The following PPP1R16B variants were observed in gnomAD, a reference collection of about 807,000 sequenced individuals.
PPP1R16B encodes the protein protein phosphatase 1 regulatory inhibitor subunit 16B.
Under a neutral mutation model 61.7 loss-of-function variants are expected in PPP1R16B, and 14 were observed. The ratio of observed to expected loss-of-function variants is 0.23; its 90% confidence interval spans 0.15 to 0.35. The LOEUF (loss-of-function observed/expected upper bound fraction) is 0.35. Among genes scored for constraint, PPP1R16B ranks in the 10% least tolerant of loss-of-function variants. PPP1R16B has a pLI of 1.00. For missense variants in PPP1R16B, 547 were observed against 752.5 expected (o/e 0.73, Z 3.19); for synonymous variants, 266 against 305.3 (o/e 0.87, Z 1.34).
rs960857363 is a variant in PPP1R16B at position 38,806,223 on chromosome 20, C to T, written c.-102+431C>T. Reference sequence around the variant, plus strand: ...AACAACCCCCCCCCGCGCACTCTCCCGGCCGGGCATGGTGGTGCCGCCCCC... The same window carrying T: ...AACAACCCCCCCCCGCGCACTCTCCTGGCCGGGCATGGTGGTGCCGCCCCC... On this transcript the variant is annotated intron_variant, in intron 1 of 10. Coordinates refer to ENST00000299824, the MANE Select transcript of PPP1R16B (RefSeq NM_015568.4). The surrounding 1 kb of genome is among the most constrained non-coding windows in gnomAD (Gnocchi z 4.5). 6.6e-6 allele frequency among the ~76,000 whole-genome samples: 1 copy of T among 152,110 alleles called. No homozygotes were observed. Among genetic ancestry groups the T allele is most frequent in the East Asian group, 1.9e-4 (1 of 5,162 alleles).
At position 38,850,675 on chromosome 20, in the gene PPP1R16B, T is replaced by C. The variant is rs187574169; in HGVS notation, c.250+14500T>C. On this transcript the variant is annotated intron_variant, in intron 2 of 10. Coordinates refer to ENST00000299824, the MANE Select transcript of PPP1R16B (RefSeq NM_015568.4). ...CCATTATCCAAATCCCTGATAAAAA[T>C]GTTGAATAGGGCCCAGCGTGGTGCT... Among the ~76,000 whole-genome samples, 378 of 152,274 alleles carry C rather than the reference T, an allele frequency of 2.5e-3. 2 individuals are homozygous for C. Among genetic ancestry groups the C allele is most frequent in the African/African-American group, 8.7e-3 (360 of 41,558 alleles).
chr20:38,895,198 T>G (rs2085325138), intron 3 of PPP1R16B, among the ~76,000 whole-genome samples: 1 of 151,940 alleles, frequency 6.6e-6, no homozygotes, highest in South Asian at 2.1e-4. Context: ...GTTCTCCATA[T>G]AATTTTCTTT....
At position 38,895,904 on chromosome 20, in the gene PPP1R16B, T is replaced by C. The variant is rs1322935072; in HGVS notation, c.467+194T>C. Among the ~76,000 whole-genome samples, 7 of 97,636 alleles carry C rather than the reference T, an allele frequency of 7.2e-5. 1 individual carries two copies. The highest frequency in any genetic ancestry group is 1.8e-4 in the African/African-American group (4 of 22,442). 64.1% of individuals were successfully genotyped at this position (97,636 alleles called of 152,430 possible). A position where few individuals can be genotyped will look rare whatever the true frequency, so the allele number is the denominator to read the frequency against. On this transcript the variant is annotated intron_variant, in intron 4 of 10. Transcript: ENST00000299824. Reference sequence around the variant, plus strand: ...CTTCTTTCTTCCCTCCCTCCCTCCTTCCTTCTTTCTTCCCTCCCTCCCTCC... The same window carrying C: ...CTTCTTTCTTCCCTCCCTCCCTCCTCCCTTCTTTCTTCCCTCCCTCCCTCC...
intron 10 of PPP1R16B, among the ~76,000 whole-genome samples, chr20:38,913,724 G>C (rs1373879736): frequency 1.3e-5 from 2 of 152,172 alleles, no homozygotes; most frequent in African/African-American, 4.8e-5. Context: ...GGTTGGGGGT[G>C]GGATGAGCAG....
Position 38,918,462 on chromosome 20 carries a change from A to G in PPP1R16B, c.1500A>G (p.Thr500=). The part of the protein sequence containing the change: ...AKLLSHPFLS[T]HLGSSMARTG... ...TGCTCAGCCACCCCTTCCTTAGCAC[A>G]CACCTGGGCAGCAGCATGGCCAGGA... The change falls in exon 11 of 11, where the codon ACA becomes ACG. Residue 500 remains threonine, a synonymous_variant. Coordinates refer to ENST00000299824, the MANE Select transcript of PPP1R16B (RefSeq NM_015568.4). This position sits in a 1 kb window ranked among gnomAD's most constrained non-coding sequence, Gnocchi z 5.3. 6 of 1,614,080 alleles carry G rather than the reference A, an allele frequency of 3.7e-6. No individual in the cohort carries two copies. The highest frequency in any genetic ancestry group is 5.1e-6 in the Non-Finnish European group (6 of 1,179,944).
chr20:38,919,582 C>T lies in PPP1R16B; in HGVS notation c.*916C>T, dbSNP rs1015691256. On this transcript the variant is annotated 3_prime_UTR_variant, in exon 11 of 11. Transcript: ENST00000299824. ...GGGAGGGAGGTAACTGAATTCACTTCTTTTTGTGGATCGTATCAAGGTCAC... is the reference window on the plus strand; with the variant it reads ...GGGAGGGAGGTAACTGAATTCACTTTTTTTTGTGGATCGTATCAAGGTCAC... The T allele has an allele frequency of 2.6e-5, 4 of 152,132 alleles. No individual in the cohort carries two copies. The highest frequency in any genetic ancestry group is 9.7e-5 in the African/African-American group (4 of 41,426). The allele number at this position is 152,132 out of a possible 1,614,324, so 9.4% of individuals were successfully genotyped here.
chr20:38,871,565 A>G (rs1276533577), intron 2 of PPP1R16B, among the ~76,000 whole-genome samples: 1 of 133,928 alleles, frequency 7.5e-6, no homozygotes, highest in Admixed American at 7.7e-5. Flanking sequence ...AGGGAGGTAG[A>G]GAGTAAGGAA....
At chr20:38,827,643 G>A (rs989521256) in intron 1 of PPP1R16B, among the ~76,000 whole-genome samples, 1 of 152,120 alleles carries the variant, frequency 6.6e-6, no homozygotes, top group Non-Finnish European at 1.5e-5. Context: ...AGTCTAGAAG[G>A]TTCATCCTAG....
rs35037544 is a variant in PPP1R16B at position 38,895,627 on chromosome 20, C to T, written c.384C>T (p.Asn128=). The T allele has an allele frequency of 2.7e-3, 4,278 of 1,613,800 alleles. 92 individuals carry two copies. In the African/African-American group the frequency reaches 0.05, roughly 19 times the overall value. ...TCCTCTCCCATGGTGCCAATGTGAA[C>T]GCCAAGGACAACGAGCTGTGGACAC... ...KLLLSHGANV[N]AKDNELWTPL... is the part of the protein sequence containing the mutation. Residue 128 remains asparagine, a synonymous_variant, in exon 4 of 11, where the codon AAC becomes AAT. Coordinates refer to ENST00000299824, the MANE Select transcript of PPP1R16B (RefSeq NM_015568.4).
At chr20:38,828,261 C>A (rs1404915314) in intron 1 of PPP1R16B, among the ~76,000 whole-genome samples, 1 of 152,208 alleles carries the variant, frequency 6.6e-6, no homozygotes, top group Non-Finnish European at 1.5e-5. Context: ...CTTTGACCTT[C>A]CTACCCTTCC....
intron 5 of PPP1R16B, 99 bp from the exon 6 acceptor site, chr20:38,902,569 C>T: frequency 1.3e-6 from 2 of 1,519,726 alleles, no homozygotes; most frequent in South Asian, 1.2e-5. Flanking sequence ...ACTGGCATAT[C>T]CTAGGGAACA....
At chr20:38,883,667 G>C (rs208797) in intron 2 of PPP1R16B, among the ~76,000 whole-genome samples, 78,646 of 152,102 alleles carry the variant, frequency 0.52, 21,179 homozygotes, top group South Asian at 0.74. Context: ...GAGCTCCCTG[G>C]AGGGAGACTG....
chr20:38,848,727 A>G (rs1485364907), intron 2 of PPP1R16B, among the ~76,000 whole-genome samples: 1 of 152,242 alleles, frequency 6.6e-6, no homozygotes, highest in African/African-American at 2.4e-5. Flanking sequence ...CAAATACAGC[A>G]TGTTCTCACT....
Position 38,884,211 on chromosome 20 carries a change from C to G in PPP1R16B, c.251-5384C>G, listed in dbSNP as rs199914262. On this transcript the variant is annotated intron_variant, in intron 2 of 10. Transcript: ENST00000299824. The stretch of plus-strand genomic sequence containing the variant: ...CGGGAGAGGTAGGGAGACAGGACCC[C>G]TGGCGTGGCTGAGCAGGCTGCACAC... Among the ~76,000 whole-genome samples the G allele has an allele frequency of 4.8e-4, 73 of 152,354 alleles. 1 individual carries two copies. The East Asian group carries it at 0.012, about 25-fold the overall frequency.
intron 10 of PPP1R16B, among the ~76,000 whole-genome samples, chr20:38,916,954 A>C (rs1435125230): frequency 6.6e-6 from 1 of 152,188 alleles, no homozygotes; most frequent in East Asian, 1.9e-4. Flanking sequence ...TGTGGGCTAC[A>C]TATTAGTATC....
At chr20:38,915,862 T>G (rs534410925) in intron 10 of PPP1R16B, among the ~76,000 whole-genome samples, 1 of 152,074 alleles carries the variant, frequency 6.6e-6, no homozygotes, top group East Asian at 1.9e-4. Flanking sequence ...CTCAGATCTT[T>G]GCCACTCTAA....
At chr20:38,810,380 C>T (rs1031730883) in intron 1 of PPP1R16B, among the ~76,000 whole-genome samples, 3 of 152,238 alleles carry the variant, frequency 2.0e-5, no homozygotes, top group Non-Finnish European at 4.4e-5. Flanking sequence ...CCCTCTGCAC[C>T]TTCCTTGGAG....
At chr20:38,821,685 T>A (rs185892147) in intron 1 of PPP1R16B, among the ~76,000 whole-genome samples, 2 of 152,298 alleles carry the variant, frequency 1.3e-5, no homozygotes, top group African/African-American at 2.4e-5. Flanking sequence ...TTTAGTGGAA[T>A]TGATGCTTTG....
intron 1 of PPP1R16B, among the ~76,000 whole-genome samples, chr20:38,811,710 C>T (rs1037857145): frequency 1.3e-5 from 2 of 152,158 alleles, no homozygotes; most frequent in African/African-American, 2.4e-5. Flanking sequence ...TGTCTAAAGA[C>T]GTTTTTGGTT....
Sources: gnomAD v4.1 joint callset for allele counts (sites outside exome capture counted in the v4.1 genomes callset) on GRCh38, gnomAD v4.1.1 for gene constraint, Gnocchi (gnomAD v3.1) non-coding constraint, MANE v1.5 for transcripts, NCBI Gene and HGNC (gene_info 2026-07-23, HGNC 2026-07-21) for gene names.